The following CDKN2AIPNL variants were observed in gnomAD, a reference collection of about 807,000 sequenced individuals.
The protein encoded by CDKN2AIPNL is CDKN2AIP N-terminal-like protein.
In CDKN2AIPNL, 9 loss-of-function variants were observed where a neutral mutation model predicts 12.9. That is an observed-to-expected ratio of 0.70 (90% CI 0.42 to 1.22). The LOEUF is 1.22. Among genes scored for constraint, CDKN2AIPNL ranks in the 50% most tolerant of loss-of-function variants. The probability of loss-of-function intolerance (pLI) is 0.00; values close to 1 mark genes in which losing one functional copy is unlikely to be tolerated. For synonymous variants in CDKN2AIPNL, 53 were observed against 61.7 expected (o/e 0.86, Z 0.66); for missense variants, 143 against 153.6 (o/e 0.93, Z 0.37).
Position 134,402,817 on chromosome 5 carries a change from C to T in CDKN2AIPNL, c.*98G>A. 1 of 1,048,004 alleles carries T rather than the reference C, an allele frequency of 9.5e-7. No homozygotes were observed. The allele number at this position is 1,048,004 out of a possible 1,614,324, so 64.9% of individuals were successfully genotyped here. On this transcript the variant is annotated 3_prime_UTR_variant, in exon 3 of 3. Coordinates refer to ENST00000458198, the MANE Select transcript of CDKN2AIPNL (RefSeq NM_080656.3). ...ACCTGCCTCTTTATGTTGGTAATACCAGGAGTCTTAAGAGAGCTGCTGTGG... is the reference window on the plus strand; with the variant it reads ...ACCTGCCTCTTTATGTTGGTAATACTAGGAGTCTTAAGAGAGCTGCTGTGG...
Position 134,402,367 on chromosome 5 carries a change from TG to T in CDKN2AIPNL, c.*547del, listed in dbSNP as rs1759040998. Reference sequence around the variant, plus strand: ...TGCTCACCTCGGCCTCCCAAAGTGCTGGGATTATTATGGGCATAAGCCACTG... The same window carrying T: ...TGCTCACCTCGGCCTCCCAAAGTGCTGGATTATTATGGGCATAAGCCACTG... On this transcript the variant is annotated 3_prime_UTR_variant, in exon 3 of 3. Coordinates refer to ENST00000458198, the MANE Select transcript of CDKN2AIPNL (RefSeq NM_080656.3). The T allele has an allele frequency of 6.6e-6, 1 of 152,264 alleles. No homozygotes were observed. Among genetic ancestry groups the T allele is most frequent in the Non-Finnish European group, 1.5e-5 (1 of 68,102 alleles). The allele number at this position is 152,264 out of a possible 1,614,324, so 9.4% of individuals were successfully genotyped here. A position where few individuals can be genotyped will look rare whatever the true frequency, so the allele number is the denominator to read the frequency against.
intron 1 of CDKN2AIPNL, chr5:134,410,917 G>A (rs1281727158): frequency 1.5e-6 from 1 of 662,398 alleles, no homozygotes; most frequent in South Asian, 1.6e-5. Context: ...TCCTCATGGA[G>A]GGGTGAAAGG....
chr5:134,408,535 A>T (rs1207739332), intron 2 of CDKN2AIPNL, among the ~76,000 whole-genome samples: 1 of 107,314 alleles, frequency 9.3e-6, no homozygotes, highest in African/African-American at 3.2e-5. Flanking sequence ...AAAAAAAAAA[A>T]TTGGCTGGGC....
At chr5:134,407,778 A>C (rs1219855034) in intron 2 of CDKN2AIPNL, among the ~76,000 whole-genome samples, 1 of 151,438 alleles carries the variant, frequency 6.6e-6, no homozygotes, top group Non-Finnish European at 1.5e-5. Flanking sequence ...CAAAAAAAAA[A>C]AAAAAGGAAA....
In CDKN2AIPNL at chr5:134,411,831, G is replaced by A. The variant is rs201046390; in HGVS notation, c.24C>T (p.Ala8=). MVGGEAA[A]AVEELVSGVR... is the part of the protein sequence containing the mutation. ...CCCCCGAAACCAGCTCCTCCACTGC[G>A]GCAGCCGCCTCGCCACCGACCATGG... The change falls in exon 1 of 3, where the codon GCC becomes GCT. Residue 8 remains alanine, a synonymous_variant. Transcript: ENST00000458198. The A allele has an allele frequency of 3.1e-5, 49 of 1,577,504 alleles. No homozygotes were observed. The highest frequency in any genetic ancestry group is 1.6e-4 in the African/African-American group (12 of 73,662).
At chr5:134,403,897 TAG>T (rs1759064631) in intron 2 of CDKN2AIPNL, among the ~76,000 whole-genome samples, 1 of 152,198 alleles carries the variant, frequency 6.6e-6, no homozygotes, top group Non-Finnish European at 1.5e-5. Context: ...GTGCTGGGAT[TAG>T]AGGCGTGAGC....
At chr5:134,406,688 G>A (rs1759108507) in intron 2 of CDKN2AIPNL, among the ~76,000 whole-genome samples, 2 of 152,196 alleles carry the variant, frequency 1.3e-5, no homozygotes, top group South Asian at 2.1e-4. Context: ...AGACCAGCCT[G>A]GGGAACATAG....
intron 2 of CDKN2AIPNL, among the ~76,000 whole-genome samples, chr5:134,407,820 G>T (rs1033806894): frequency 1.3e-5 from 2 of 148,720 alleles, no homozygotes; most frequent in Non-Finnish European, 3.0e-5. Flanking sequence ...AAAAAGGAAA[G>T]AATCTATCAC....
chr5:134,411,500 G>T, intron 1 of CDKN2AIPNL, 116 bp downstream of exon 1: 1 of 832,480 alleles, frequency 1.2e-6, no homozygotes. Flanking sequence ...AATGCGGATG[G>T]AGGTTGGGCC....
intron 2 of CDKN2AIPNL, among the ~76,000 whole-genome samples, chr5:134,403,992 C>G (rs1691927984): frequency 6.6e-6 from 1 of 152,164 alleles, no homozygotes; most frequent in African/African-American, 2.4e-5. Flanking sequence ...AGACTTTCAC[C>G]ATTTAGGAGA....
At position 134,411,483 on chromosome 5, in the gene CDKN2AIPNL, G is replaced by A. The variant is rs529970384; in HGVS notation, c.239+133C>T. ...CTCCAGGGTGGGAATCAGTCTTCGG[G>A]CCGACCAATGCGGATGGAGGTTGGG... On this transcript the variant is annotated intron_variant, in intron 1 of 2. Transcript: ENST00000458198. 8.2e-5 allele frequency: 60 copies of A among 728,388 alleles called. No individual in the cohort carries two copies. In the East Asian group the frequency reaches 1.6e-3, roughly 19 times the overall value. 45.1% of individuals were successfully genotyped at this position (728,388 alleles called of 1,614,324 possible). A position where few individuals can be genotyped will look rare whatever the true frequency, so the allele number is the denominator to read the frequency against.
rs548615623 is a variant in CDKN2AIPNL at position 134,411,504 on chromosome 5, T to C, written c.239+112A>G. ...TCGGGCCGACCAATGCGGATGGAGG[T>C]TGGGCCCGGGTTCAGTCTGGGGCAG... On this transcript the variant is annotated intron_variant, in intron 1 of 2. Transcript: ENST00000458198. 134 of 872,302 alleles carry C rather than the reference T, an allele frequency of 1.5e-4. 1 individual carries two copies. The highest frequency in any genetic ancestry group is 2.2e-4 in the Non-Finnish European group (119 of 552,694). The allele number at this position is 872,302 out of a possible 1,614,324, so 54.0% of individuals were successfully genotyped here.
At chr5:134,411,559 A>T (rs932834751) in intron 1 of CDKN2AIPNL, 57 bp downstream of exon 1, 1 of 1,454,102 alleles carries the variant, frequency 6.9e-7, no homozygotes, top group African/African-American at 1.4e-5. Flanking sequence ...GCCCTGGGAG[A>T]GGCCTTGAGG....
Position 134,402,902 on chromosome 5 carries a change from T to C in CDKN2AIPNL, c.*13A>G, listed in dbSNP as rs530777474. 2.5e-6 allele frequency: 4 copies of C among 1,609,228 alleles called. No homozygotes were observed. In the East Asian group the frequency reaches 8.9e-5, roughly 36 times the overall value. ...CCTGTAGCTGATGATGAAAATGTGA[T>C]AAATCTTCTGGCTTAGCTTTGATGC... is the stretch of plus-strand genomic sequence containing the variant. On this transcript the variant is annotated 3_prime_UTR_variant, in exon 3 of 3. Coordinates refer to ENST00000458198, the MANE Select transcript of CDKN2AIPNL (RefSeq NM_080656.3).
intron 1 of CDKN2AIPNL, among the ~76,000 whole-genome samples, chr5:134,411,246 T>C (rs1759186319): frequency 6.6e-6 from 1 of 152,210 alleles, no homozygotes; most frequent in African/African-American, 2.4e-5. Flanking sequence ...CTCTGCACGT[T>C]TGCCATGTAG....
intron 1 of CDKN2AIPNL, among the ~76,000 whole-genome samples, chr5:134,411,262 A>C (rs1445203752): frequency 6.6e-6 from 1 of 152,194 alleles, no homozygotes; most frequent in Non-Finnish European, 1.5e-5. Flanking sequence ...TGTAGGTGAC[A>C]GGGGCTAACG....
intron 2 of CDKN2AIPNL, among the ~76,000 whole-genome samples, chr5:134,405,157 T>C (rs1360842324): frequency 6.7e-6 from 1 of 148,448 alleles, no homozygotes; most frequent in Non-Finnish European, 1.5e-5. Flanking sequence ...CCAGGCCGGA[T>C]TGCAGTGGCG....
chr5:134,411,708 G>C lies in CDKN2AIPNL; in HGVS notation c.147C>G (p.Pro49=). The change falls in exon 1 of 3, where the codon CCC becomes CCG. Residue 49 remains proline, a synonymous_variant. Transcript: ENST00000458198. ...TGCCGTCGGGCGGGTCGCGGTAGTC[G>C]GGCAGGTGGCGCAGGATGAATTCCA... ...ARMEFILRHL[P]DYRDPPDGSG... The C allele has an allele frequency of 1.9e-6, 3 of 1,613,136 alleles. No individual in the cohort carries two copies. The highest frequency in any genetic ancestry group is 2.5e-6 in the Non-Finnish European group (3 of 1,179,812).
At chr5:134,411,218 G>A (rs981277430) in intron 1 of CDKN2AIPNL, 7 of 652,810 alleles carry the variant, frequency 1.1e-5, no homozygotes, top group Non-Finnish European at 1.9e-5. Context: ...TCTGTAAAAT[G>A]GGGATCTCCG....
Sources: allele counts gnomAD v4.1 joint callset (sites outside exome capture counted in the v4.1 genomes callset), GRCh38; gene constraint gnomAD v4.1.1; transcripts MANE v1.5; gene names NCBI Gene and HGNC (gene_info 2026-07-23, HGNC 2026-07-21).